Variants in LOC400499 observed in about 807,000 individuals in gnomAD.
At chr16:11,476,685 T>TGCAA in the LOC400499 span, 2 of 398,914 alleles carry the variant, frequency 5.0e-6, no homozygotes, top group Non-Finnish European at 8.8e-6. Flanking sequence ...CATGCATGCA[T>TGCAA]GCAAGCACAC....
chr16:11,427,380 T>G, the LOC400499 span, among the ~76,000 whole-genome samples: 6 of 119,698 alleles, frequency 5.0e-5, no homozygotes, highest in Admixed American at 3.4e-4. Flanking sequence ...AAAAAAAAAG[T>G]GCTCAACATA....
chr16:11,390,525 C>T, the LOC400499 span: 1 of 1,193,514 alleles, frequency 8.4e-7, no homozygotes, highest in East Asian at 3.2e-5. Context: ...CCAGCCCTGC[C>T]CAGACACGCC....
the LOC400499 span, among the ~76,000 whole-genome samples, chr16:11,479,778 C>T: frequency 6.6e-6 from 1 of 152,198 alleles, no homozygotes; most frequent in South Asian, 2.1e-4. Context: ...TTTCTATCAA[C>T]TAAACTCCAG....
At chr16:11,440,580 C>T in the LOC400499 span, 1 of 397,300 alleles carries the variant, frequency 2.5e-6, no homozygotes, top group Non-Finnish European at 4.4e-6. Context: ...ATCACACACA[C>T]ACTGCCAAAA....
At chr16:11,441,202 T>TA in the LOC400499 span, 1 of 397,488 alleles carries the variant, frequency 2.5e-6, no homozygotes, top group African/African-American at 2.1e-5. Flanking sequence ...TATGGAGCAG[T>TA]CTACACTCTT....
chr16:11,482,501 A>C, the LOC400499 span, among the ~76,000 whole-genome samples: 1 of 152,228 alleles, frequency 6.6e-6, no homozygotes, highest in Non-Finnish European at 1.5e-5. Context: ...CATGAAAATT[A>C]AGACTTCCTG....
the LOC400499 span, among the ~76,000 whole-genome samples, chr16:11,518,142 G>A: frequency 6.6e-6 from 1 of 152,318 alleles, no homozygotes; most frequent in South Asian, 2.1e-4. Context: ...AGGAGCTGGG[G>A]GACAATAGTC....
At chr16:11,382,998 G>C in the LOC400499 span, among the ~76,000 whole-genome samples, 1 of 152,082 alleles carries the variant, frequency 6.6e-6, no homozygotes, top group Non-Finnish European at 1.5e-5. Context: ...GCATTTGCTT[G>C]GCTTCTGGGA....
the LOC400499 span, among the ~76,000 whole-genome samples, chr16:11,495,408 T>C: frequency 0.052 from 7,728 of 149,042 alleles, 226 homozygotes; most frequent in Non-Finnish European, 0.061. Flanking sequence ...TAAGATGGAG[T>C]CTTGCTCTCT....
the LOC400499 span, chr16:11,484,855 A>G: frequency 2.5e-6 from 1 of 399,016 alleles, no homozygotes; most frequent in Non-Finnish European, 4.4e-6. Context: ...GGGGGAGTAC[A>G]GTGGGTGTGG....
the LOC400499 span, chr16:11,401,929 G>C: frequency 1.0e-5 from 4 of 398,296 alleles, no homozygotes; most frequent in Non-Finnish European, 8.9e-6. Context: ...CAGCCTCATT[G>C]ACCCCAGATA....
chr16:11,411,491 G>A, the LOC400499 span, among the ~76,000 whole-genome samples: 3 of 152,298 alleles, frequency 2.0e-5, no homozygotes, highest in Non-Finnish European at 2.9e-5. Context: ...GAGGCCCAAG[G>A]GCCATACGGT....
At chr16:11,435,495 A>G in the LOC400499 span, among the ~76,000 whole-genome samples, 1 of 152,206 alleles carries the variant, frequency 6.6e-6, no homozygotes, top group Admixed American at 6.5e-5. Context: ...AGAAGTGAAC[A>G]CCACCCTCTT....
At chr16:11,488,864 C>A in the LOC400499 span, 4 of 398,744 alleles carry the variant, frequency 1.0e-5, no homozygotes, top group Non-Finnish European at 1.8e-5. Flanking sequence ...CACAAAAGAA[C>A]CCACTGGAAT....
chr16:11,463,539 G>A, the LOC400499 span, among the ~76,000 whole-genome samples: 2 of 152,314 alleles, frequency 1.3e-5, no homozygotes, highest in African/African-American at 2.4e-5. Context: ...TCTGTATGTA[G>A]ACATGTATGG....
the LOC400499 span, among the ~76,000 whole-genome samples, chr16:11,408,451 A>ATTTTTT: frequency 7.6e-6 from 1 of 131,212 alleles, no homozygotes. Context: ...TCAGTGCAGG[A>ATTTTTT]TTTTTTTTTT....
chr16:11,446,866 T>G, the LOC400499 span: 29 of 1,535,936 alleles, frequency 1.9e-5, no homozygotes, highest in African/African-American at 3.8e-4. Context: ...TGTGAAGGTC[T>G]CCTGCAGGAG....
At chr16:11,429,913 C>G in the LOC400499 span, among the ~76,000 whole-genome samples, 6 of 152,286 alleles carry the variant, frequency 3.9e-5, no homozygotes, top group South Asian at 1.2e-3. Flanking sequence ...ACAGAGAATA[C>G]TTACATGACT....
At chr16:11,462,057 G>A in the LOC400499 span, 1 of 1,372,278 alleles carries the variant, frequency 7.3e-7, no homozygotes. Flanking sequence ...GAGGCACTTG[G>A]GCCACCACAC....
Sources: gnomAD v4.1 joint callset for allele counts (sites outside exome capture counted in the v4.1 genomes callset) on GRCh38, gnomAD v4.1.1 for gene constraint, MANE v1.5 for transcripts.